The following PPP1R16B variants were observed in gnomAD, a reference collection of about 807,000 sequenced individuals.
PPP1R16B encodes protein phosphatase 1 regulatory inhibitor subunit 16B.
In PPP1R16B, 14 loss-of-function variants were observed where a neutral mutation model predicts 61.7. That is an observed-to-expected ratio of 0.23 (90% confidence interval 0.15 to 0.35). The LOEUF (loss-of-function observed/expected upper bound fraction) is 0.35. Ranked by LOEUF, PPP1R16B falls within the 10% of genes least tolerant of loss-of-function variation. PPP1R16B has a pLI of 1.00. For missense variants in PPP1R16B, 547 were observed against 752.5 expected (o/e 0.73, Z 3.19); for synonymous variants, 266 against 305.3 (o/e 0.87, Z 1.34).
chr20:38,839,466 A>C (rs1198159246), intron 2 of PPP1R16B, among the ~76,000 whole-genome samples: 2 of 152,164 alleles, frequency 1.3e-5, no homozygotes, highest in African/African-American at 4.8e-5. Flanking sequence ...ACAAAGTAAA[A>C]AGTCCTTTCT....
intron 1 of PPP1R16B, among the ~76,000 whole-genome samples, chr20:38,815,279 T>C (rs989985445): frequency 2.0e-5 from 3 of 152,244 alleles, no homozygotes; most frequent in Non-Finnish European, 2.9e-5. Flanking sequence ...AACACAACTA[T>C]ACAAAACTCT....
intron 1 of PPP1R16B, among the ~76,000 whole-genome samples, chr20:38,821,392 G>A (rs925409194): frequency 2.6e-5 from 4 of 152,168 alleles, no homozygotes; most frequent in Non-Finnish European, 5.9e-5. Flanking sequence ...AGCTAAGGGG[G>A]AAGCACTATG....
chr20:38,878,860 T>A (rs2085186083), intron 2 of PPP1R16B, among the ~76,000 whole-genome samples: 1 of 152,222 alleles, frequency 6.6e-6, no homozygotes, highest in Admixed American at 6.5e-5. Context: ...AATGGACTAT[T>A]TTTAAAAATT....
chr20:38,808,890 C>T (rs2084680068), intron 1 of PPP1R16B, among the ~76,000 whole-genome samples: 2 of 151,954 alleles, frequency 1.3e-5, no homozygotes, highest in Admixed American at 1.3e-4. Context: ...AAAATTAGTG[C>T]AGCATGGTGG....
In PPP1R16B at chr20:38,908,207, C is replaced by A. The variant is rs117431511; in HGVS notation, c.1194+14C>A. 625 of 1,613,962 alleles carry A rather than the reference C, an allele frequency of 3.9e-4. 6 individuals are homozygous for A. In the East Asian group the frequency reaches 9.4e-3, roughly 24 times the overall value. On this transcript the variant is annotated intron_variant, in intron 10 of 10. Transcript: ENST00000299824. ...AATAAGGACCCTGTGAGTGGCCTCA[C>A]GCCCTGCCCTAGTGTCAGCCACTGC...
intron 1 of PPP1R16B, among the ~76,000 whole-genome samples, chr20:38,810,439 G>C: frequency 6.6e-6 from 1 of 152,222 alleles, no homozygotes; most frequent in Non-Finnish European, 1.5e-5. Flanking sequence ...ATTAACTTTT[G>C]CATGGGAGGA....
intron 2 of PPP1R16B, among the ~76,000 whole-genome samples, chr20:38,844,209 A>G (rs1466154066): frequency 1.3e-5 from 2 of 152,222 alleles, no homozygotes; most frequent in Non-Finnish European, 2.9e-5. Context: ...GCTTTATACA[A>G]TATAAGAAAA....
In PPP1R16B at chr20:38,855,982, A is replaced by AGGAGGAGGAGGAGGAGGAGG. The variant is rs1449393855; in HGVS notation, c.250+19807_250+19808insGGAGGAGGAGGAGGAGGAGG. ...GAGAGAGAGAGAGAGAGAGAGAGAG[A>AGGAGGAGGAGGAGGAGGAGG]AGGAGGAGGAGAGAGACCAGGACAG... On this transcript the variant is annotated intron_variant, in intron 2 of 10. Transcript: ENST00000299824. Among the ~76,000 whole-genome samples, 352 of 40,930 alleles carry AGGAGGAGGAGGAGGAGGAGG rather than the reference A, an allele frequency of 8.6e-3. 5 individuals carry two copies. Among genetic ancestry groups the AGGAGGAGGAGGAGGAGGAGG allele is most frequent in the Non-Finnish European group, 0.01 (259 of 24,986 alleles). 26.9% of individuals were successfully genotyped at this position (40,930 alleles called of 152,430 possible).
At position 38,921,381 on chromosome 20, in the gene PPP1R16B, G is replaced by A. The variant is rs2085596604; in HGVS notation, c.*2715G>A. 1 of 152,232 alleles carries A rather than the reference G, an allele frequency of 6.6e-6. No individual in the cohort carries two copies. The highest frequency in any genetic ancestry group is 2.4e-5 in the African/African-American group (1 of 41,452). 9.4% of individuals were successfully genotyped at this position (152,232 alleles called of 1,614,324 possible). A position where few individuals can be genotyped will look rare whatever the true frequency, so the allele number is the denominator to read the frequency against. ...ACGTTAGGTTCTGCGGATAAAGGAG[G>A]AATAAGACAGAGTCAGGAGAACTGT... On this transcript the variant is annotated 3_prime_UTR_variant, in exon 11 of 11. Transcript: ENST00000299824.
chr20:38,829,367 A>G (rs759760913), intron 1 of PPP1R16B, among the ~76,000 whole-genome samples: 10 of 152,104 alleles, frequency 6.6e-5, no homozygotes, highest in Non-Finnish European at 1.3e-4. Context: ...ACCTCACCCG[A>G]CCTGGCCTCC....
intron 4 of PPP1R16B, among the ~76,000 whole-genome samples, chr20:38,896,801 C>G (rs1419681493): frequency 6.6e-6 from 1 of 152,174 alleles, no homozygotes; most frequent in Non-Finnish European, 1.5e-5. Flanking sequence ...TGGCGACCAC[C>G]ATTCTACTTT....
At position 38,907,656 on chromosome 20, in the gene PPP1R16B, G is replaced by C; in HGVS notation, c.899-150G>C. ...CTTATAAACACACTCACTCAACTTT[G>C]GCTGGCATTGTTTTCTTGCCTCCCT... is the stretch of plus-strand genomic sequence containing the variant. On this transcript the variant is annotated intron_variant, in intron 8 of 10. Transcript: ENST00000299824. The surrounding 1 kb of genome is among the most constrained non-coding windows in gnomAD (Gnocchi z 4.5). 1 of 1,057,490 alleles carries C rather than the reference G, an allele frequency of 9.5e-7. No homozygotes were observed. 65.5% of individuals were successfully genotyped at this position (1,057,490 alleles called of 1,614,324 possible).
At position 38,840,492 on chromosome 20, in the gene PPP1R16B, C is replaced by A. The variant is rs1321559520; in HGVS notation, c.250+4317C>A. 2.0e-5 allele frequency among the ~76,000 whole-genome samples: 3 copies of A among 152,200 alleles called. No individual in the cohort carries two copies. In the East Asian group the frequency reaches 5.8e-4, roughly 29 times the overall value. On this transcript the variant is annotated intron_variant, in intron 2 of 10. Transcript: ENST00000299824. ...CACCCTCTGCCCCAGGCGACGCCAG[C>A]TCCACCAAGATCCTCCCATATTCCC...
intron 2 of PPP1R16B, among the ~76,000 whole-genome samples, chr20:38,853,958 C>T (rs1019828504): frequency 1.3e-5 from 2 of 152,186 alleles, no homozygotes; most frequent in Non-Finnish European, 2.9e-5. Flanking sequence ...AAACGGATCA[C>T]GTGGCCAAGC....
intron 2 of PPP1R16B, chr20:38,872,788 C>G (rs1351340818): frequency 1.3e-5 from 2 of 153,178 alleles, no homozygotes; most frequent in Admixed American, 6.5e-5. Context: ...GTGGCGCATG[C>G]CCGTAGTCCC....
At chr20:38,911,914 C>T (rs2085493746) in intron 10 of PPP1R16B, among the ~76,000 whole-genome samples, 1 of 152,082 alleles carries the variant, frequency 6.6e-6, no homozygotes, top group Non-Finnish European at 1.5e-5. Flanking sequence ...CATTTTTGTA[C>T]ATGTCTTTTG....
intron 4 of PPP1R16B, among the ~76,000 whole-genome samples, chr20:38,898,754 G>A (rs975816300): frequency 1.3e-5 from 2 of 152,078 alleles, no homozygotes; most frequent in African/African-American, 4.8e-5. Flanking sequence ...AGGTTGCAGT[G>A]AGCTGAGTTT....
intron 2 of PPP1R16B, among the ~76,000 whole-genome samples, chr20:38,864,414 C>G (rs1379869439): frequency 6.6e-6 from 1 of 152,200 alleles, no homozygotes; most frequent in Non-Finnish European, 1.5e-5. Context: ...CTAGCACTTG[C>G]TAGTGCCACT....
rs374532720 is a variant in PPP1R16B, at chr20:38,820,872, A to AAT, written c.-101-14939_-101-14938dup. On this transcript the variant is annotated intron_variant, in intron 1 of 10. Transcript: ENST00000299824. ...ACAGTGAAACCCTGTCTCTACTAAA[A>AAT]ATATATATATATATAAAAATTAGCT... Among the ~76,000 whole-genome samples, 770 of 150,226 alleles carry AAT rather than the reference A, an allele frequency of 5.1e-3. 1 individual carries two copies. Among genetic ancestry groups the AAT allele is most frequent in the South Asian group, 0.019 (92 of 4,768 alleles).
Sources: gnomAD v4.1 joint callset for allele counts (sites outside exome capture counted in the v4.1 genomes callset) on GRCh38, gnomAD v4.1.1 for gene constraint, Gnocchi (gnomAD v3.1) non-coding constraint, MANE v1.5 for transcripts, NCBI Gene and HGNC (gene_info 2026-07-23, HGNC 2026-07-21) for gene names.